Variants in CTNNA3 observed in about 807,000 individuals in gnomAD.
CTNNA3 encodes catenin alpha-3.
In CTNNA3, 76 loss-of-function variants were observed where a neutral mutation model predicts 95.7. The observed-to-expected ratio is 0.79, with a 90% CI of 0.66 to 0.96. CTNNA3 has a LOEUF of 0.96. CTNNA3 is among the 40% of genes least tolerant of loss of function. CTNNA3 has a pLI of 0.00. For synonymous variants in CTNNA3, 431 were observed against 374.4 expected, an observed-to-expected ratio of 1.15 and a Z score of -1.74; for missense variants, 1,191 against 1,089.8, an observed-to-expected ratio of 1.09 and a Z score of -1.31.
intron 7 of CTNNA3, among the ~76,000 whole-genome samples, chr10:67,132,930 A>C (rs924847070): frequency 7.9e-5 from 12 of 151,660 alleles, no homozygotes; most frequent in Non-Finnish European, 1.3e-4. Flanking sequence ...AGTGGGGGTG[A>C]GGGGGTATGA....
chr10:66,367,685 C>T (rs1366208893), intron 12 of CTNNA3, among the ~76,000 whole-genome samples: 2 of 148,924 alleles, frequency 1.3e-5, no homozygotes, highest in Admixed American at 1.3e-4. Flanking sequence ...GCAGTGGAAG[C>T]CGAATTTTAA....
chr10:67,182,109 T>C (rs1029613215), intron 6 of CTNNA3, among the ~76,000 whole-genome samples: 2 of 152,030 alleles, frequency 1.3e-5, no homozygotes, highest in African/African-American at 4.8e-5. Context: ...AAAATGGCCA[T>C]ACTGCCCAAG....
chr10:66,131,320 A>G (rs1361787373), intron 13 of CTNNA3, among the ~76,000 whole-genome samples: 1 of 152,182 alleles, frequency 6.6e-6, no homozygotes. Context: ...AATCCTCAAC[A>G]AAATACCAGC....
chr10:66,849,953 G>A (rs1457290751), intron 7 of CTNNA3, among the ~76,000 whole-genome samples: 1 of 147,208 alleles, frequency 6.8e-6, no homozygotes, highest in African/African-American at 2.5e-5. Context: ...TAAAAGCTGT[G>A]TATGGAAATT....
Position 66,863,180 on chromosome 10 carries a change from TACACACAC to T in CTNNA3, c.1048-87664_1048-87657del, listed in dbSNP as rs71035194. ...TCCATAATCACATGAGCCAATTCTT[TACACACAC>T]ACACACACACACACACACACACGCA... is the stretch of plus-strand genomic sequence containing the variant. On this transcript the variant is annotated intron_variant, in intron 7 of 17. Coordinates refer to ENST00000433211, the MANE Select transcript of CTNNA3 (RefSeq NM_013266.4). Among the ~76,000 whole-genome samples the T allele has an allele frequency of 4.3e-3, 642 of 147,880 alleles. 4 individuals carry two copies. Among genetic ancestry groups the T allele is most frequent in the Non-Finnish European group, 7.0e-3 (470 of 67,198 alleles).
At chr10:66,450,991 C>A (rs1279580178) in intron 11 of CTNNA3, among the ~76,000 whole-genome samples, 1 of 152,046 alleles carries the variant, frequency 6.6e-6, no homozygotes, top group Non-Finnish European at 1.5e-5. Context: ...TCAGTTGCCT[C>A]CAATATAAAT....
chr10:67,727,651 T>TATAATA (rs1841245570), intron 1 of CTNNA3, among the ~76,000 whole-genome samples: 1 of 128,136 alleles, frequency 7.8e-6, no homozygotes, highest in East Asian at 2.1e-4. Flanking sequence ...TATTATTATA[T>TATAATA]TATATATGAT....
At chr10:66,430,805 A>G (rs2093287890) in intron 11 of CTNNA3, among the ~76,000 whole-genome samples, 1 of 152,208 alleles carries the variant, frequency 6.6e-6, no homozygotes, top group Admixed American at 6.5e-5. Context: ...AAACCCTGGA[A>G]GAAAACCTAG....
intron 1 of CTNNA3, among the ~76,000 whole-genome samples, chr10:67,759,411 C>T (rs186795597): frequency 5.3e-5 from 8 of 152,318 alleles, no homozygotes; most frequent in Admixed American, 5.2e-4. Flanking sequence ...AGTGCAAAAG[C>T]ACACAAGGCA....
At chr10:66,873,989 G>A (rs10997426) in intron 7 of CTNNA3, among the ~76,000 whole-genome samples, 1 of 152,254 alleles carries the variant, frequency 6.6e-6, no homozygotes, top group East Asian at 1.9e-4. Flanking sequence ...GAGCAGGGTA[G>A]GAAAGGTACC....
chr10:67,391,268 A>G (rs1263018252), intron 5 of CTNNA3, among the ~76,000 whole-genome samples: 1 of 151,908 alleles, frequency 6.6e-6, no homozygotes, highest in Non-Finnish European at 1.5e-5. Flanking sequence ...ACAACAGACA[A>G]ACAGAGACCC....
chr10:67,271,193 T>C (rs1056812790), intron 5 of CTNNA3, among the ~76,000 whole-genome samples: 9 of 152,156 alleles, frequency 5.9e-5, no homozygotes, highest in African/African-American at 2.2e-4. Context: ...ACTACTAATA[T>C]GGTTAGGCTT....
At chr10:66,640,496 G>A (rs1845479333) in intron 9 of CTNNA3, among the ~76,000 whole-genome samples, 1 of 152,138 alleles carries the variant, frequency 6.6e-6, no homozygotes, top group African/African-American at 2.4e-5. Flanking sequence ...CACATTCATT[G>A]TAAGTCAGCT....
intron 7 of CTNNA3, among the ~76,000 whole-genome samples, chr10:66,957,531 T>C (rs754835323): frequency 5.3e-5 from 8 of 150,526 alleles, no homozygotes; most frequent in Admixed American, 4.6e-4. Context: ...GGGAAGGACA[T>C]TAGAATAGGG....
At position 67,403,233 on chromosome 10, in the gene CTNNA3, T is replaced by C. The variant is rs552292702; in HGVS notation, c.579+118609A>G. On this transcript the variant is annotated intron_variant, in intron 5 of 17. Coordinates refer to ENST00000433211, the MANE Select transcript of CTNNA3 (RefSeq NM_013266.4). ...GGGACCCCAATCCATTCCACCCCAC[T>C]GGGCAGGACTTCCCAATAGGGACCT... The C allele has an allele frequency of 2.0e-5, 3 of 152,556 alleles. No homozygotes were observed. The East Asian group carries it at 5.8e-4, about 30-fold the overall frequency. The allele number at this position is 152,556 out of a possible 1,614,324, so 9.5% of individuals were successfully genotyped here. A position where few individuals can be genotyped will look rare whatever the true frequency, so the allele number is the denominator to read the frequency against.
intron 7 of CTNNA3, chr10:67,176,833 A>G: frequency 2.3e-6 from 1 of 430,318 alleles, no homozygotes; most frequent in Non-Finnish European, 4.6e-6. Context: ...ATGGAGGCAG[A>G]GGGCCATGAG....
At chr10:66,166,312 G>A (rs1224463315) in intron 13 of CTNNA3, among the ~76,000 whole-genome samples, 1 of 151,492 alleles carries the variant, frequency 6.6e-6, no homozygotes, top group Non-Finnish European at 1.5e-5. Context: ...CTCTACTAAT[G>A]GTGAAACCGG....
chr10:67,634,000 A>G (rs1008951671), intron 2 of CTNNA3, among the ~76,000 whole-genome samples: 1 of 152,176 alleles, frequency 6.6e-6, no homozygotes, highest in African/African-American at 2.4e-5. Context: ...ATGCTCCATG[A>G]GAAGATCAAC....
At chr10:66,273,379 A>G (rs1390469930) in intron 13 of CTNNA3, among the ~76,000 whole-genome samples, 2 of 152,314 alleles carry the variant, frequency 1.3e-5, no homozygotes, top group East Asian at 3.9e-4. Flanking sequence ...AGAAGAGTGC[A>G]CGATTTAAAA....
Sources: allele counts gnomAD v4.1 joint callset (sites outside exome capture counted in the v4.1 genomes callset), GRCh38; gene constraint gnomAD v4.1.1; transcripts MANE v1.5; gene names NCBI Gene and HGNC (gene_info 2026-07-23, HGNC 2026-07-21).